MIDEAS: variants seen among roughly 807,000 people sequenced by gnomAD.
The protein encoded by MIDEAS is mitotic deacetylase associated SANT domain protein.
A neutral mutation model predicts 102.7 loss-of-function variants in MIDEAS; 26 were observed. That is an observed-to-expected ratio of 0.25 (90% CI 0.19 to 0.35). The LOEUF (loss-of-function observed/expected upper bound fraction) is 0.35, where lower values mean the gene tolerates loss of function less well. Among genes scored for constraint, MIDEAS ranks in the 10% least tolerant of loss-of-function variants. The probability of loss-of-function intolerance (pLI) is 1.00; values close to 1 mark genes in which losing one functional copy is unlikely to be tolerated. For missense variants in MIDEAS, 1,231 were observed against 1,435.6 expected (o/e 0.86, Z 2.30); for synonymous variants, 585 against 591.0 (o/e 0.99, Z 0.15).
chr14:73,733,019 G>A lies in MIDEAS; in HGVS notation c.1750-3034C>T, dbSNP rs563021812. The stretch of plus-strand genomic sequence containing the variant: ...AGGCAGGAGAATTGCTTGAACCCAG[G>A]AGGCGGAGGTTGCAGTGAGCTGAGA... On this transcript the variant is annotated intron_variant, in intron 3 of 12. Transcript: ENST00000423556. Among the ~76,000 whole-genome samples the A allele has an allele frequency of 6.7e-4, 102 of 151,876 alleles. 1 individual carries two copies. The highest frequency in any genetic ancestry group is 2.4e-3 in the African/African-American group (98 of 41,406).
In MIDEAS at chr14:73,717,279, T is replaced by C. The variant is rs934791239; in HGVS notation, c.*1564A>G. On this transcript the variant is annotated 3_prime_UTR_variant, in exon 13 of 13. Transcript: ENST00000423556. ...AGAATTTCTTTTGCACAACTAAAGT[T>C]GAATAAGATCAGAAAAATAGCTGAG... The C allele has an allele frequency of 6.6e-6, 1 of 152,216 alleles. No individual in the cohort carries two copies. The highest frequency in any genetic ancestry group is 2.4e-5 in the African/African-American group (1 of 41,442). 9.4% of individuals were successfully genotyped at this position (152,216 alleles called of 1,614,324 possible).
chr14:73,761,064 A>G (rs997073899), upstream of MIDEAS, among the ~76,000 whole-genome samples: 1 of 151,262 alleles, frequency 6.6e-6, no homozygotes, highest in African/African-American at 2.4e-5. Context: ...CTTCCTTCCA[A>G]GTTTTTTGGT....
chr14:73,729,959 C>T lies in MIDEAS; in HGVS notation c.1776G>A (p.Glu592=), dbSNP rs773998816. Residue 592 remains glutamate, a synonymous_variant, in exon 4 of 13, where the codon GAG becomes GAA. Coordinates refer to ENST00000423556, the MANE Select transcript of MIDEAS (RefSeq NM_001367710.1). ...AQAEDMNVKL[E]GEPSVRKPKQ... ...TTGGTTTCCGCACGGAAGGCTCCCC[C>T]TCCAACTTGACATTCATGTCCTCTG... 144 of 1,599,858 alleles carry T rather than the reference C, an allele frequency of 9.0e-5. No individual in the cohort carries two copies. The highest frequency in any genetic ancestry group is 1.1e-4 in the Non-Finnish European group (128 of 1,170,246).
chr14:73,718,890 GGGC>G lies in MIDEAS; in HGVS notation c.3250_3252del (p.Ala1084del), dbSNP rs532501646. 3.9e-5 allele frequency: 59 copies of G among 1,517,578 alleles called. No homozygotes were observed. Among genetic ancestry groups the G allele is most frequent in the Admixed American group, 2.3e-4 (11 of 47,496 alleles). 94.0% of individuals were successfully genotyped at this position (1,517,578 alleles called of 1,614,324 possible). On this transcript the variant is annotated inframe_deletion, in exon 13 of 13. Transcript: ENST00000423556. ...CTCTCCTCCCGCAGGGCCTGCTGGT[GGGC>G]GGCGGCGGCGGCAGCAGCGGCCTCT...
At chr14:73,727,196 G>T in intron 5 of MIDEAS, 2 of 639,734 alleles carry the variant, frequency 3.1e-6, no homozygotes, top group Non-Finnish European at 5.3e-6. Flanking sequence ...CAGGTTTACA[G>T]ATGGGAAAGA....
chr14:73,767,650 A>C (rs964634558), intron 1 of MIDEAS, among the ~76,000 whole-genome samples: 1 of 152,006 alleles, frequency 6.6e-6, no homozygotes, highest in African/African-American at 2.4e-5. Context: ...GGGTGGGGGG[A>C]AAAAGGCTCT....
At position 73,758,805 on chromosome 14, in the gene MIDEAS, T is replaced by A. The variant is rs2053518287; in HGVS notation, c.-248+958A>T. On this transcript the variant is annotated intron_variant, in intron 1 of 12. Coordinates refer to ENST00000423556, the MANE Select transcript of MIDEAS (RefSeq NM_001367710.1). ...CTTTCTGTGGCAGGTACCTCCTCCATGTCGGCCCGCCTTGGGGCTGAAGCC... is the reference window on the plus strand; with the variant it reads ...CTTTCTGTGGCAGGTACCTCCTCCAAGTCGGCCCGCCTTGGGGCTGAAGCC... 2.6e-5 allele frequency: 4 copies of A among 154,512 alleles called. 1 individual carries two copies. The South Asian group carries it at 8.1e-4, about 31-fold the overall frequency. The allele number at this position is 154,512 out of a possible 1,614,324, so 9.6% of individuals were successfully genotyped here. A position where few individuals can be genotyped will look rare whatever the true frequency, so the allele number is the denominator to read the frequency against.
Position 73,716,706 on chromosome 14 carries a change from A to AAAT in MIDEAS, c.*2136_*2137insATT, listed in dbSNP as rs2052896546. 2.3e-5 allele frequency: 3 copies of AAAT among 131,260 alleles called. No homozygotes were observed. The highest frequency in any genetic ancestry group is 7.6e-5 in the African/African-American group (3 of 39,394). The allele number at this position is 131,260 out of a possible 1,614,324, so 8.1% of individuals were successfully genotyped here. On this transcript the variant is annotated 3_prime_UTR_variant, in exon 13 of 13. Coordinates refer to ENST00000423556, the MANE Select transcript of MIDEAS (RefSeq NM_001367710.1). The stretch of plus-strand genomic sequence containing the variant: ...TCAAAAAAAAAAAAAAAAAAAAAAA[A>AAAT]AAATTTTTTTTCCAAGTACAAGATG...
At chr14:73,784,884 G>T (rs933677650) in intron 1 of MIDEAS, among the ~76,000 whole-genome samples, 1 of 152,212 alleles carries the variant, frequency 6.6e-6, no homozygotes, top group Non-Finnish European at 1.5e-5. Context: ...ACAGGTACCT[G>T]CCAGGGACTG....
At chr14:73,728,493 C>G (rs1019297012) in intron 4 of MIDEAS, 18 of 153,210 alleles carry the variant, frequency 1.2e-4, no homozygotes, top group Admixed American at 1.0e-3. Flanking sequence ...GTGTGTCCTC[C>G]CTGCCCCCCG....
chr14:73,787,593 G>C (rs2053829374), upstream of MIDEAS: 1 of 152,284 alleles, frequency 6.6e-6, no homozygotes, highest in African/African-American at 2.4e-5. Context: ...AAGCGGTGGG[G>C]GAGGGGAAAG....
intron 1 of MIDEAS, among the ~76,000 whole-genome samples, chr14:73,758,372 C>G (rs998709978): frequency 6.6e-6 from 1 of 152,214 alleles, no homozygotes; most frequent in Non-Finnish European, 1.5e-5. Context: ...TGGTTTCTCC[C>G]CTCAGCTGAG....
At chr14:73,785,368 G>A (rs1253359666) in intron 1 of MIDEAS, among the ~76,000 whole-genome samples, 1 of 152,098 alleles carries the variant, frequency 6.6e-6, no homozygotes, top group African/African-American at 2.4e-5. Context: ...TCCCTGCTCT[G>A]GTCTGTGCCA....
intron 4 of MIDEAS, chr14:73,728,745 G>C (rs72721756): frequency 6.6e-6 from 1 of 152,236 alleles, no homozygotes; most frequent in Non-Finnish European, 1.5e-5. Flanking sequence ...AAGGCCTTAC[G>C]CCCGAGTGTT....
Position 73,759,601 on chromosome 14 carries a change from G to A in MIDEAS, c.-248+162C>T, listed in dbSNP as rs1421316232. Among the ~76,000 whole-genome samples, 8 of 149,244 alleles carry A rather than the reference G, an allele frequency of 5.4e-5. No individual in the cohort carries two copies. In the East Asian group the frequency reaches 1.4e-3, roughly 25 times the overall value. The stretch of plus-strand genomic sequence containing the variant: ...CGCCCGCTCCACCGCCGCCCAGGCC[G>A]CAGAAGTTCGAGCGCAGCGGCCCCC... On this transcript the variant is annotated intron_variant, in intron 1 of 12. Coordinates refer to ENST00000423556, the MANE Select transcript of MIDEAS (RefSeq NM_001367710.1). This position sits in a 1 kb window ranked among gnomAD's most constrained non-coding sequence, Gnocchi z 6.7.
At chr14:73,773,212 G>A (rs1451370243) in intron 1 of MIDEAS, among the ~76,000 whole-genome samples, 1 of 151,798 alleles carries the variant, frequency 6.6e-6, no homozygotes, top group Non-Finnish European at 1.5e-5. Context: ...AGTTTTCCTA[G>A]CAACACCTGT....
chr14:73,760,150 AG>A lies in MIDEAS; in HGVS notation c.-636del. On this transcript the variant is annotated 5_prime_UTR_variant, in exon 1 of 13. Transcript: ENST00000423556. The surrounding 1 kb of genome is among the most constrained non-coding windows in gnomAD (Gnocchi z 4.8). ...AGCTCACAGCTTGAAAAAAAAAAAA[AG>A]AGAGAGGGCGAGAGGCAACAGCGGA... 1 of 144,130 alleles carries A rather than the reference AG, an allele frequency of 6.9e-6. No individual in the cohort carries two copies. Among genetic ancestry groups the A allele is most frequent in the Non-Finnish European group, 1.5e-5 (1 of 66,978 alleles). 8.9% of individuals were successfully genotyped at this position (144,130 alleles called of 1,614,324 possible). A position where few individuals can be genotyped will look rare whatever the true frequency, so the allele number is the denominator to read the frequency against.
intron 4 of MIDEAS, chr14:73,727,820 G>A (rs555500677): frequency 1.5e-5 from 5 of 333,672 alleles, no homozygotes; most frequent in African/African-American, 1.1e-4. Context: ...ACTCGATAAA[G>A]ATTATTATTA....
At position 73,737,059 on chromosome 14, in the gene MIDEAS, G is replaced by C; in HGVS notation, c.1688C>G (p.Pro563Arg). The C allele has an allele frequency of 6.2e-7, 1 of 1,614,146 alleles. No homozygotes were observed. Among genetic ancestry groups the C allele is most frequent in the Non-Finnish European group, 8.5e-7 (1 of 1,180,044 alleles). ...CCGCCTGCGGGTGACGATGACTGAT[G>C]GCTTGTGCTCAGCAGGGTTCTGTTC... Reference protein sequence around the residue: ...GPEQNPAEHKPSVIVTRRRST... With the variant: ...GPEQNPAEHKRSVIVTRRRST... The change falls in exon 3 of 13, where the codon CCA becomes CGA. Residue 563 changes from proline (P) to arginine (R), a missense_variant. By Grantham distance (103) the Pro-to-Arg change is moderately radical. Coordinates refer to ENST00000423556, the MANE Select transcript of MIDEAS (RefSeq NM_001367710.1).
Sources: gnomAD v4.1 joint callset for allele counts (sites outside exome capture counted in the v4.1 genomes callset) on GRCh38, gnomAD v4.1.1 for gene constraint, Gnocchi (gnomAD v3.1) non-coding constraint, MANE v1.5 for transcripts, NCBI Gene and HGNC (gene_info 2026-07-23, HGNC 2026-07-21) for gene names.